Variants in TTC28 observed in about 807,000 individuals in gnomAD.
TTC28 encodes the protein tetratricopeptide repeat domain 28.
TTC28 carries 61 observed loss-of-function variants against 198.0 expected under a neutral mutation model. The ratio of observed to expected loss-of-function variants is 0.31; its 90% confidence interval spans 0.25 to 0.38. The LOEUF (loss-of-function observed/expected upper bound fraction) is 0.38, where lower values mean the gene tolerates loss of function less well. Ranked by LOEUF, TTC28 falls within the 10% of genes least tolerant of loss-of-function variation. The pLI is 1.00. For missense variants in TTC28, 2,678 were observed against 3,164.0 expected, an observed-to-expected ratio of 0.85 and a Z score of 3.69; for synonymous variants, 1,171 against 1,297.8, an observed-to-expected ratio of 0.90 and a Z score of 2.10.
intron 2 of TTC28, among the ~76,000 whole-genome samples, chr22:28,498,410 AAT>A (rs1199546631): frequency 6.6e-6 from 1 of 152,214 alleles, no homozygotes; most frequent in Non-Finnish European, 1.5e-5. Context: ...AATGTGTTCA[AAT>A]GTAAGTTGAG....
chr22:28,276,186 T>G (rs5762545), intron 5 of TTC28, among the ~76,000 whole-genome samples: 47,465 of 151,482 alleles, frequency 0.31, 7,797 homozygotes, highest in Admixed American at 0.42. Context: ...TAATTTTGTG[T>G]ATTTTTTGTA....
chr22:28,044,442 C>A (rs1939782218), intron 12 of TTC28, among the ~76,000 whole-genome samples: 1 of 152,030 alleles, frequency 6.6e-6, no homozygotes, highest in African/African-American at 2.4e-5. Flanking sequence ...AGAGCATTTT[C>A]TTTTCTTTTT....
intron 2 of TTC28, among the ~76,000 whole-genome samples, chr22:28,532,714 C>T (rs910899521): frequency 6.6e-6 from 1 of 152,198 alleles, no homozygotes; most frequent in African/African-American, 2.4e-5. Context: ...CCATCACAAT[C>T]AAGTTGGCTT....
chr22:28,517,507 C>T (rs2048812831), intron 2 of TTC28, among the ~76,000 whole-genome samples: 1 of 152,136 alleles, frequency 6.6e-6, no homozygotes, highest in Non-Finnish European at 1.5e-5. Flanking sequence ...TACTCCCCTT[C>T]ACCCTCAAAA....
chr22:28,174,732 A>C (rs1370514595), intron 5 of TTC28, among the ~76,000 whole-genome samples: 1 of 152,154 alleles, frequency 6.6e-6, no homozygotes, highest in East Asian at 1.9e-4. Context: ...AGAAAAACTA[A>C]GAAAAATCCA....
intron 2 of TTC28, among the ~76,000 whole-genome samples, chr22:28,576,532 T>C (rs1029435774): frequency 2.6e-5 from 4 of 152,160 alleles, no homozygotes; most frequent in African/African-American, 4.8e-5. Flanking sequence ...TCCTCCTCTA[T>C]TTTTCAAAAT....
intron 12 of TTC28, among the ~76,000 whole-genome samples, chr22:28,032,255 ATATATATATATAGTGTGTGTGTGT>A (rs1601538521): frequency 1.0e-5 from 1 of 96,900 alleles, no homozygotes; most frequent in South Asian, 3.3e-4. Flanking sequence ...TATAAAATAT[ATATATATATATAGTGTGTGTGTGT>A]GTGTGTGTGT....
intron 12 of TTC28, among the ~76,000 whole-genome samples, chr22:28,089,224 C>T (rs1449802455): frequency 6.6e-6 from 1 of 152,056 alleles, no homozygotes; most frequent in East Asian, 1.9e-4. Flanking sequence ...CGTATGTTTA[C>T]TGCAGCACTA....
intron 5 of TTC28, among the ~76,000 whole-genome samples, chr22:28,205,868 A>G (rs955521359): frequency 6.6e-6 from 1 of 152,070 alleles, no homozygotes; most frequent in African/African-American, 2.4e-5. Context: ...ATTGATTTTC[A>G]TGAAATAACA....
intron 5 of TTC28, among the ~76,000 whole-genome samples, chr22:28,195,647 C>A (rs1313753112): frequency 1.5e-5 from 1 of 67,906 alleles, no homozygotes; most frequent in Non-Finnish European, 3.0e-5. Context: ...CCATAACAGA[C>A]AAACAGAGAG....
chr22:28,514,763 A>G (rs534820095), intron 2 of TTC28, among the ~76,000 whole-genome samples: 2 of 152,280 alleles, frequency 1.3e-5, no homozygotes, highest in East Asian at 3.9e-4. Context: ...TTACCACTAC[A>G]TTTGCCAAGT....
At chr22:28,534,535 C>T (rs1057303238) in intron 2 of TTC28, among the ~76,000 whole-genome samples, 4 of 152,174 alleles carry the variant, frequency 2.6e-5, no homozygotes, top group African/African-American at 4.8e-5. Flanking sequence ...ACTAGAAATA[C>T]GATTTGAACC....
At chr22:28,165,928 A>T (rs984941389) in intron 5 of TTC28, among the ~76,000 whole-genome samples, 3 of 152,198 alleles carry the variant, frequency 2.0e-5, no homozygotes, top group African/African-American at 7.2e-5. Context: ...TGTATTCAGG[A>T]AACCCATCTC....
chr22:28,334,927 G>A (rs113870945), intron 2 of TTC28, among the ~76,000 whole-genome samples: 3 of 151,930 alleles, frequency 2.0e-5, no homozygotes, highest in African/African-American at 7.3e-5. Context: ...GAAGTCCTTG[G>A]CCATGCCTAT....
intron 2 of TTC28, among the ~76,000 whole-genome samples, chr22:28,625,539 TA>T (rs1357120244): frequency 6.6e-6 from 1 of 152,034 alleles, no homozygotes; most frequent in Non-Finnish European, 1.5e-5. Context: ...GCAAAGGTAA[TA>T]AAAGAAGGCC....
chr22:28,028,124 T>C (rs966774570), intron 13 of TTC28, among the ~76,000 whole-genome samples: 1 of 152,200 alleles, frequency 6.6e-6, no homozygotes, highest in African/African-American at 2.4e-5. Flanking sequence ...GCTATTTCCC[T>C]CATCCAAAGG....
intron 2 of TTC28, among the ~76,000 whole-genome samples, chr22:28,314,994 AT>A (rs1302277718): frequency 6.6e-6 from 1 of 152,140 alleles, no homozygotes; most frequent in Non-Finnish European, 1.5e-5. Context: ...TTTGAGGAAT[AT>A]TTGCTGCTTT....
chr22:28,234,262 G>C (rs571552077), intron 5 of TTC28, among the ~76,000 whole-genome samples: 1 of 151,996 alleles, frequency 6.6e-6, no homozygotes, highest in Non-Finnish European at 1.5e-5. Context: ...GGCTGGTCTC[G>C]AACTCCTGAG....
intron 6 of TTC28, among the ~76,000 whole-genome samples, chr22:28,161,653 C>CAAGAAAGA (rs552537925): frequency 3.4e-5 from 5 of 146,892 alleles, no homozygotes; most frequent in Non-Finnish European, 7.4e-5. Context: ...GACCCTGTCT[C>CAAGAAAGA]AAGAAAGAAA....
Sources: allele counts gnomAD v4.1 joint callset (sites outside exome capture counted in the v4.1 genomes callset), GRCh38; gene constraint gnomAD v4.1.1; transcripts MANE v1.5; gene names NCBI Gene and HGNC (gene_info 2026-07-23, HGNC 2026-07-21).